ADAMTS13: variants seen among roughly 807,000 people sequenced by gnomAD.
ADAMTS13 encodes ADAM metallopeptidase with thrombospondin type 1 motif 13, also known as A disintegrin and metalloproteinase with thrombospondin motifs 13.
In ADAMTS13, 110 loss-of-function variants were observed where a neutral mutation model predicts 155.1. That is an observed-to-expected ratio of 0.71 (90% CI 0.61 to 0.83). ADAMTS13 has a LOEUF of 0.83. Ranked by LOEUF, ADAMTS13 falls within the 40% of genes least tolerant of loss-of-function variation. The pLI is 0.00. For missense variants in ADAMTS13, 1,707 were observed against 1,891.7 expected, an observed-to-expected ratio of 0.90 and a Z score of 1.81; for synonymous variants, 758 against 756.4, an observed-to-expected ratio of 1.00 and a Z score of -0.03.
intron 8 of ADAMTS13, among the ~76,000 whole-genome samples, chr9:133,430,770 C>T (rs28503755): frequency 6.7e-6 from 1 of 150,300 alleles, no homozygotes; most frequent in Non-Finnish European, 1.5e-5. Flanking sequence ...ACACCATTCT[C>T]CTGCCTCAGC....
chr9:133,438,401 C>T (rs781990009), intron 14 of ADAMTS13, 35 bp downstream of exon 14: 43 of 1,610,424 alleles, frequency 2.7e-5, no homozygotes, highest in Non-Finnish European at 3.4e-5. Context: ...GGCTGGGCTT[C>T]CCCCAGCCTC....
At chr9:133,417,585 G>C (rs373501821), upstream of ADAMTS13, 6 of 1,602,112 alleles carry the variant, frequency 3.7e-6, no homozygotes, top group Non-Finnish European at 5.1e-6. Context: ...GGAATGAGCT[G>C]CGCAGCGCTC....
At chr9:133,450,724 T>C (rs968381218) in intron 23 of ADAMTS13, among the ~76,000 whole-genome samples, 2 of 152,134 alleles carry the variant, frequency 1.3e-5, no homozygotes, top group African/African-American at 4.8e-5. Context: ...CACTCCAGCC[T>C]GGGCTACAGA....
At chr9:133,443,678 C>CCTGG in intron 19 of ADAMTS13, 117 bp downstream of exon 19, 1 of 1,181,084 alleles carries the variant, frequency 8.5e-7, no homozygotes, top group South Asian at 1.6e-5. Flanking sequence ...GGGGCCTCAC[C>CCTGG]ATCCAGGGTG....
rs782732441 is a variant in ADAMTS13, at chr9:133,456,501, G to GTGTCT, written c.3548-42_3548-41insTGTCT. 2 of 1,605,876 alleles carry GTGTCT rather than the reference G, an allele frequency of 1.2e-6. No homozygotes were observed. The highest frequency in any genetic ancestry group is 3.4e-5 in the Admixed American group (2 of 59,008). ...CCTGGAGCCACTCCTCTGCTGACCA[G>GTGTCT]GCGTGGGAGTGCTGGACCCTCACTG... On this transcript the variant is annotated intron_variant, in intron 26 of 28. Transcript: ENST00000355699. The surrounding 1 kb of genome is among the most constrained non-coding windows in gnomAD (Gnocchi z 4.4).
intron 21 of ADAMTS13, among the ~76,000 whole-genome samples, chr9:133,447,587 C>CT (rs1231343284): frequency 6.0e-5 from 9 of 149,678 alleles, no homozygotes; most frequent in East Asian, 4.0e-4. Context: ...TTTTCTTTTT[C>CT]TTTTTTTTCT....
intron 6 of ADAMTS13, 108 bp downstream of exon 6, chr9:133,426,453 GGAGCC>G: frequency 1.4e-6 from 2 of 1,465,282 alleles, no homozygotes; most frequent in South Asian, 2.4e-5. Context: ...TTTCTCCAGA[GGAGCC>G]TGTACCCCTC....
chr9:133,455,251 G>A (rs1842668089), intron 24 of ADAMTS13, 34 bp from the exon 25 acceptor site: 1 of 1,597,712 alleles, frequency 6.3e-7, no homozygotes, highest in Non-Finnish European at 8.5e-7. Context: ...TTCTGGCAGG[G>A]TCAGCTGTGA....
rs1554795442 is a variant in ADAMTS13, at chr9:133,455,365, T to C, written c.3330T>C (p.Ala1110=). The change falls in exon 25 of 29, where the codon GCT becomes GCC. Residue 1110 remains alanine (A), a synonymous_variant. Coordinates refer to ENST00000355699, the MANE Select transcript of ADAMTS13 (RefSeq NM_139027.6). The stretch of plus-strand genomic sequence containing the variant: ...CCCAGGCCCAGGCGCCTGTGCCAGC[T>C]GATTTCTGCCAGCACTTGCCCAAGC... ...LGPQAQAPVP[A]DFCQHLPKPV... is the part of the protein sequence containing the mutation. 6.2e-7 allele frequency: 1 copy of C among 1,612,154 alleles called. No individual in the cohort carries two copies. The highest frequency in any genetic ancestry group is 8.5e-7 in the Non-Finnish European group (1 of 1,179,988).
At chr9:133,429,654 C>A in intron 7 of ADAMTS13, 1 of 607,932 alleles carries the variant, frequency 1.6e-6, no homozygotes, top group Non-Finnish European at 3.1e-6. Flanking sequence ...TTCCCGCCGA[C>A]CGCACCGCTC....
intron 6 of ADAMTS13, among the ~76,000 whole-genome samples, chr9:133,426,674 A>G (rs587627118): frequency 6.6e-6 from 1 of 152,280 alleles, no homozygotes; most frequent in Non-Finnish European, 1.5e-5. Flanking sequence ...ATTTAATTTC[A>G]GTCTTTTCTT....
rs1554792326 is a variant in ADAMTS13, at chr9:133,445,666, C to G, written c.2611-33C>G. ...GGATCGCTGGGTCCTCAGAGGAGGC[C>G]CAGACCCACCAGCTTGTTGCTATTC... is the stretch of plus-strand genomic sequence containing the variant. On this transcript the variant is annotated intron_variant, in intron 20 of 28. Coordinates refer to ENST00000355699, the MANE Select transcript of ADAMTS13 (RefSeq NM_139027.6). The surrounding 1 kb of genome is among the most constrained non-coding windows in gnomAD (Gnocchi z 5.0). 1 of 1,612,278 alleles carries G rather than the reference C, an allele frequency of 6.2e-7. No individual in the cohort carries two copies.
In ADAMTS13 at chr9:133,444,382, T is replaced by C. The variant is rs587764024; in HGVS notation, c.2421-481T>C. 6.6e-5 allele frequency among the ~76,000 whole-genome samples: 10 copies of C among 152,176 alleles called. No homozygotes were observed. In the East Asian group the frequency reaches 1.9e-3, roughly 29 times the overall value. On this transcript the variant is annotated intron_variant, in intron 19 of 28. Transcript: ENST00000355699. Reference sequence around the variant, plus strand: ...TTTTTTTTTATTAAAAGACAGAGTCTTGTTCTCTCACCCAGGCTGGTATGC... The same window carrying C: ...TTTTTTTTTATTAAAAGACAGAGTCCTGTTCTCTCACCCAGGCTGGTATGC...
chr9:133,422,256 G>T, upstream of ADAMTS13: 1 of 629,876 alleles, frequency 1.6e-6, no homozygotes, highest in East Asian at 2.7e-5. Flanking sequence ...CCAGCTTGCA[G>T]CAGGAGGAGC....
Position 133,425,499 on chromosome 9 carries a change from G to A in ADAMTS13, c.331-30G>A, listed in dbSNP as rs1554784968. ...CTGGGGCTGGCAATGCCCACCCGAC[G>A]GGTTACCTCTCTCATCTGCCCTTGC... On this transcript the variant is annotated intron_variant, in intron 3 of 28. Coordinates refer to ENST00000355699, the MANE Select transcript of ADAMTS13 (RefSeq NM_139027.6). This position sits in a 1 kb window ranked among gnomAD's most constrained non-coding sequence, Gnocchi z 4.6. 6.9e-6 allele frequency: 11 copies of A among 1,602,408 alleles called. No homozygotes were observed. Among genetic ancestry groups the A allele is most frequent in the South Asian group, 3.4e-5 (3 of 89,316 alleles).
At chr9:133,428,441 G>A (rs1342710093) in intron 6 of ADAMTS13, among the ~76,000 whole-genome samples, 193 bp from the exon 7 acceptor site, 2 of 152,194 alleles carry the variant, frequency 1.3e-5, no homozygotes, top group Non-Finnish European at 2.9e-5. Flanking sequence ...GGAAACTGAG[G>A]CAGGGCGCAC....
intron 22 of ADAMTS13, 138 bp from the exon 23 acceptor site, chr9:133,449,645 C>A: frequency 2.2e-6 from 2 of 922,716 alleles, no homozygotes; most frequent in Non-Finnish European, 3.4e-6. Flanking sequence ...CACAAGGGGG[C>A]CTCCAGAAAG....
rs1554789583 is a variant in ADAMTS13, at chr9:133,437,859, G to C, written c.1546G>C (p.Asp516His). 1 of 1,613,924 alleles carries C rather than the reference G, an allele frequency of 6.2e-7. No homozygotes were observed. The highest frequency in any genetic ancestry group is 1.1e-5 in the South Asian group (1 of 91,088). Residue 516 changes from aspartate (D) to histidine (H), a missense_variant, in exon 13 of 29, where the codon GAC becomes CAC. Transcript: ENST00000355699. The stretch of plus-strand genomic sequence containing the variant: ...GTGTATGCCAAGTGGCCCCCGGGAG[G>C]ACGGGACCCTGAGCCTGTGTGTGTC... ...TRCMPSGPRE[D>H]GTLSLCVSGS...
In ADAMTS13 at chr9:133,438,271, A is replaced by T. The variant is rs1471208674; in HGVS notation, c.1610A>T (p.Asp537Val). 1 of 1,613,656 alleles carries T rather than the reference A, an allele frequency of 6.2e-7. No individual in the cohort carries two copies. The highest frequency in any genetic ancestry group is 8.5e-7 in the Non-Finnish European group (1 of 1,179,912). Residue 537 changes from aspartate (D) to valine (V), a missense_variant, in exon 14 of 29, where the codon GAC becomes GTC. This residue lies in a region of ADAMTS13 where 13 missense variants were observed against 34.2 expected (regional missense o/e 0.38). Transcript: ENST00000355699. Reference protein sequence around the residue: ...CRTFGCDGRMDSQQVWDRCQV... With the variant: ...CRTFGCDGRMVSQQVWDRCQV... ...ACATTTGGCTGTGATGGTAGGATGGACTCCCAGCAGGTATGGGACAGGTGC... is the reference window on the plus strand; with the variant it reads ...ACATTTGGCTGTGATGGTAGGATGGTCTCCCAGCAGGTATGGGACAGGTGC...
Sources: allele counts gnomAD v4.1 joint callset (sites outside exome capture counted in the v4.1 genomes callset), GRCh38; gene constraint gnomAD v4.1.1; regional missense constraint gnomAD v4.1.1; non-coding constraint Gnocchi (gnomAD v3.1); transcripts MANE v1.5; gene names NCBI Gene and HGNC (gene_info 2026-07-23, HGNC 2026-07-21).